The following AGAP1 variants were observed in gnomAD, a reference collection of about 807,000 sequenced individuals.
The protein encoded by AGAP1 is ArfGAP with GTPase domain, ankyrin repeat and PH domain 1, also known as arf-GAP with GTPase, ANK repeat and PH domain-containing protein 1.
In AGAP1, 29 loss-of-function variants were observed where a neutral mutation model predicts 105.3. The ratio of observed to expected loss-of-function variants is 0.28; its 90% CI spans 0.21 to 0.38. The LOEUF is 0.38. AGAP1 is among the 10% of genes least tolerant of loss of function. The pLI is 1.00. For synonymous variants in AGAP1, 509 were observed against 485.9 expected, an observed-to-expected ratio of 1.05 and a Z score of -0.63; for missense variants, 998 against 1,165.1, an observed-to-expected ratio of 0.86 and a Z score of 2.09.
rs534291983 is a variant in AGAP1, at chr2:235,907,460, A to G, written c.1156-1278A>G. 1.9e-4 allele frequency among the ~76,000 whole-genome samples: 29 copies of G among 152,294 alleles called. 3 individuals are homozygous for G. In the South Asian group the frequency reaches 5.8e-3, roughly 30 times the overall value. ...ATCTCTAAAAAAATTAATAAATGAA[A>G]TGGAATTATGGTCACCTGAACTTAA... On this transcript the variant is annotated intron_variant, in intron 10 of 17. Coordinates refer to ENST00000304032, the MANE Select transcript of AGAP1 (RefSeq NM_001037131.3).
rs1386555381 is a variant in AGAP1, at chr2:235,691,149, G to C, written c.164-18030G>C. ...CAAGGAGTCTGCCCCATGCGATTCT[G>C]AGGCCTTGGTCCCTTCTGAGAGACC... On this transcript the variant is annotated intron_variant, in intron 1 of 17. Transcript: ENST00000304032. The surrounding 1 kb of genome is among the most constrained non-coding windows in gnomAD (Gnocchi z 4.4). Among the ~76,000 whole-genome samples the C allele has an allele frequency of 1.3e-5, 2 of 152,176 alleles. No individual in the cohort carries two copies. Among genetic ancestry groups the C allele is most frequent in the Non-Finnish European group, 2.9e-5 (2 of 68,032 alleles).
intron 1 of AGAP1, among the ~76,000 whole-genome samples, chr2:235,508,617 G>A (rs528726093): frequency 6.6e-6 from 1 of 152,176 alleles, no homozygotes; most frequent in African/African-American, 2.4e-5. Context: ...GCGATTACAG[G>A]TCCCGAAGTC....
Position 235,908,080 on chromosome 2 carries a change from A to G in AGAP1, c.1156-658A>G, listed in dbSNP as rs896994101. ...TGTTCACCTTCCCCGTTCCCTGCCCATCAGCCAGTTTCCAGGTAGTGTTTG... is the reference window on the plus strand; with the variant it reads ...TGTTCACCTTCCCCGTTCCCTGCCCGTCAGCCAGTTTCCAGGTAGTGTTTG... On this transcript the variant is annotated intron_variant, in intron 10 of 17. Coordinates refer to ENST00000304032, the MANE Select transcript of AGAP1 (RefSeq NM_001037131.3). The surrounding 1 kb of genome is among the most constrained non-coding windows in gnomAD (Gnocchi z 4.4). Among the ~76,000 whole-genome samples the G allele has an allele frequency of 1.2e-4, 18 of 152,230 alleles. No homozygotes were observed. Among genetic ancestry groups the G allele is most frequent in the African/African-American group, 3.9e-4 (16 of 41,532 alleles).
chr2:236,100,703 AC>A (rs2059325086), intron 16 of AGAP1, among the ~76,000 whole-genome samples: 1 of 151,854 alleles, frequency 6.6e-6, no homozygotes, highest in Non-Finnish European at 1.5e-5. Context: ...TGTGGTGCAC[AC>A]CCATTGTCCC....
Position 235,801,372 on chromosome 2 carries a change from T to C in AGAP1, c.957+1850T>C, listed in dbSNP as rs1031629970. On this transcript the variant is annotated intron_variant, in intron 8 of 17. Coordinates refer to ENST00000304032, the MANE Select transcript of AGAP1 (RefSeq NM_001037131.3). This position sits in a 1 kb window ranked among gnomAD's most constrained non-coding sequence, Gnocchi z 6.0. ...CATGGTTTTCTCACTCCATTGATGC[T>C]ATAAAATGATTTCTGATCGTGTTAA... 6.6e-6 allele frequency among the ~76,000 whole-genome samples: 1 copy of C among 152,218 alleles called. No homozygotes were observed. The highest frequency in any genetic ancestry group is 2.1e-4 in the South Asian group (1 of 4,830).
intron 9 of AGAP1, among the ~76,000 whole-genome samples, chr2:235,863,858 A>G (rs918384979): frequency 6.6e-6 from 1 of 152,222 alleles, no homozygotes; most frequent in African/African-American, 2.4e-5. Context: ...AACTCTGAGC[A>G]TTGAAGAGTC....
At chr2:236,117,443 A>G (rs2059798088) in intron 16 of AGAP1, among the ~76,000 whole-genome samples, 1 of 152,240 alleles carries the variant, frequency 6.6e-6, no homozygotes, top group Non-Finnish European at 1.5e-5. Context: ...CGGGGAGAAC[A>G]TACTGACACA....
rs557201899 is a variant in AGAP1 at position 235,598,620 on chromosome 2, A to G, written c.163+103771A>G. Among the ~76,000 whole-genome samples the G allele has an allele frequency of 2.6e-5, 4 of 152,358 alleles. No individual in the cohort carries two copies. The East Asian group carries it at 5.8e-4, about 22-fold the overall frequency. ...CTCATCATCCTGGGATTATTCAAGTATAAACTCAGAATTGCCAAATTAAAT... is the reference window on the plus strand; with the variant it reads ...CTCATCATCCTGGGATTATTCAAGTGTAAACTCAGAATTGCCAAATTAAAT... On this transcript the variant is annotated intron_variant, in intron 1 of 17. Transcript: ENST00000304032.
chr2:235,995,625 C>T (rs7368811), intron 13 of AGAP1, among the ~76,000 whole-genome samples: 81,969 of 152,050 alleles, frequency 0.54, 22,336 homozygotes, highest in Middle Eastern at 0.68. Flanking sequence ...CAATGTGTGG[C>T]AGACAACCTT....
chr2:235,741,107 T>C lies in AGAP1; in HGVS notation c.396+59T>C. 2 of 1,396,860 alleles carry C rather than the reference T, an allele frequency of 1.4e-6. No individual in the cohort carries two copies. The highest frequency in any genetic ancestry group is 1.9e-6 in the Non-Finnish European group (2 of 1,038,474). 86.5% of individuals were successfully genotyped at this position (1,396,860 alleles called of 1,614,324 possible). A position where few individuals can be genotyped will look rare whatever the true frequency, so the allele number is the denominator to read the frequency against. The stretch of plus-strand genomic sequence containing the variant: ...TTTCCCTTTGTTTTCTAAGGTTTGA[T>C]TCAAGAAGTGCTTCTAGAAATCGGT... On this transcript the variant is annotated intron_variant, in intron 4 of 17. Coordinates refer to ENST00000304032, the MANE Select transcript of AGAP1 (RefSeq NM_001037131.3). This position sits in a 1 kb window ranked among gnomAD's most constrained non-coding sequence, Gnocchi z 4.9.
intron 1 of AGAP1, among the ~76,000 whole-genome samples, chr2:235,589,186 ATTGT>A (rs1407265149): frequency 2.9e-5 from 1 of 35,086 alleles, no homozygotes; most frequent in African/African-American, 9.9e-5. Flanking sequence ...TTAATAGCTT[ATTGT>A]TTTGTTTTTT....
chr2:236,052,163 T>C (rs1052387420), intron 16 of AGAP1, among the ~76,000 whole-genome samples: 2 of 152,194 alleles, frequency 1.3e-5, no homozygotes, highest in Non-Finnish European at 2.9e-5. Context: ...TTTTTCTCTC[T>C]ATCAAAGGAA....
rs1429789097 is a variant in AGAP1, at chr2:235,874,097, C to T, written c.1051-9248C>T. Among the ~76,000 whole-genome samples the T allele has an allele frequency of 1.3e-5, 2 of 151,010 alleles. No individual in the cohort carries two copies. The highest frequency in any genetic ancestry group is 2.9e-5 in the Non-Finnish European group (2 of 67,812). On this transcript the variant is annotated intron_variant, in intron 9 of 17. Coordinates refer to ENST00000304032, the MANE Select transcript of AGAP1 (RefSeq NM_001037131.3). This position sits in a 1 kb window ranked among gnomAD's most constrained non-coding sequence, Gnocchi z 4.5. ...GTTTTGAGACAGGGTCTTGCTCTGT[C>T]GCCAGGCTGGAGTGCAGTGGCGTGA...
intron 6 of AGAP1, chr2:235,774,320 C>G (rs1559469613): frequency 2.1e-6 from 1 of 469,970 alleles, no homozygotes; most frequent in East Asian, 7.0e-5. Context: ...CAGCCCAGGG[C>G]TGGGAAGATA....
At chr2:235,775,886 G>C (rs998276954) in intron 6 of AGAP1, 1 of 152,198 alleles carries the variant, frequency 6.6e-6, no homozygotes, top group African/African-American at 2.4e-5. Flanking sequence ...TTGGTAAAGA[G>C]AATTGAGTAT....
At chr2:235,969,129 G>C (rs1270263622) in intron 13 of AGAP1, among the ~76,000 whole-genome samples, 2 of 152,152 alleles carry the variant, frequency 1.3e-5, no homozygotes, top group Non-Finnish European at 2.9e-5. Context: ...TCTGGTATGT[G>C]GGCTCTATTA....
rs190691739 is a variant in AGAP1 at position 236,053,729 on chromosome 2, C to T, written c.2114+4448C>T. On this transcript the variant is annotated intron_variant, in intron 16 of 17. Transcript: ENST00000304032. The surrounding 1 kb of genome is among the most constrained non-coding windows in gnomAD (Gnocchi z 4.6). ...TGCAGGTAGCCTGTTTACTTGGCGG[C>T]TTAGGAGCCTGCTGATTTGGGCCAG... 8.3e-4 allele frequency among the ~76,000 whole-genome samples: 126 copies of T among 152,316 alleles called. No individual in the cohort carries two copies. The highest frequency in any genetic ancestry group is 2.9e-3 in the African/African-American group (120 of 41,570).
rs2149341154 is a variant in AGAP1 at position 235,662,137 on chromosome 2, C to A, written c.164-47042C>A. Among the ~76,000 whole-genome samples the A allele has an allele frequency of 6.6e-6, 1 of 152,308 alleles. No homozygotes were observed. The highest frequency in any genetic ancestry group is 1.9e-4 in the East Asian group (1 of 5,166). ...GGCCCTCCACCTCCAAGCTGACCAC[C>A]CTACTCAGCTCCTTTAGGGTGGAGT... On this transcript the variant is annotated intron_variant, in intron 1 of 17. Coordinates refer to ENST00000304032, the MANE Select transcript of AGAP1 (RefSeq NM_001037131.3). This position sits in a 1 kb window ranked among gnomAD's most constrained non-coding sequence, Gnocchi z 4.2.
rs1015573095 is a variant in AGAP1, at chr2:235,882,712, T to C, written c.1051-633T>C. On this transcript the variant is annotated intron_variant, in intron 9 of 17. Transcript: ENST00000304032. The surrounding 1 kb of genome is among the most constrained non-coding windows in gnomAD (Gnocchi z 4.6). Reference sequence around the variant, plus strand: ...CTGGCCTCAAACTCCTGACCTCAGGTGATCTGCCCACCTCGGCCTCCCAAA... The same window carrying C: ...CTGGCCTCAAACTCCTGACCTCAGGCGATCTGCCCACCTCGGCCTCCCAAA... Among the ~76,000 whole-genome samples, 2 of 152,172 alleles carry C rather than the reference T, an allele frequency of 1.3e-5. No individual in the cohort carries two copies. Among genetic ancestry groups the C allele is most frequent in the African/African-American group, 4.8e-5 (2 of 41,438 alleles).
Sources: allele counts gnomAD v4.1 joint callset (sites outside exome capture counted in the v4.1 genomes callset), GRCh38; gene constraint gnomAD v4.1.1; non-coding constraint Gnocchi (gnomAD v3.1); transcripts MANE v1.5; gene names NCBI Gene and HGNC (gene_info 2026-07-23, HGNC 2026-07-21).